The following SLC23A2 variants were observed in gnomAD, a reference collection of about 807,000 sequenced individuals.
SLC23A2 encodes the protein solute carrier family 23 member 2.
A neutral mutation model predicts 73.3 loss-of-function variants in SLC23A2; 36 were observed. The ratio of observed to expected loss-of-function variants is 0.49; its 90% CI spans 0.38 to 0.65. The LOEUF is 0.65. Ranked by LOEUF, SLC23A2 falls within the 30% of genes least tolerant of loss-of-function variation. The probability of loss-of-function intolerance (pLI) is 0.00; values close to 1 mark genes in which losing one functional copy is unlikely to be tolerated. For synonymous variants in SLC23A2, 343 were observed against 327.3 expected (o/e 1.05, Z -0.52); for missense variants, 507 against 841.6 (o/e 0.60, Z 4.92).
rs1358473011 is a variant in SLC23A2, at chr20:5,007,714, A to G, written c.-282+2468T>C. ...CTTCCCCCAGCCCCGGCAACCACTA[A>G]TCTTCACTCTCTTTCTATGGATTTG... On this transcript the variant is annotated intron_variant, in intron 1 of 16. Coordinates refer to the SLC23A2 transcript ENST00000379333. Among the ~76,000 whole-genome samples the G allele has an allele frequency of 3.3e-5, 5 of 151,900 alleles. No individual in the cohort carries two copies. The South Asian group carries it at 8.3e-4, about 25-fold the overall frequency.
intron 2 of SLC23A2, among the ~76,000 whole-genome samples, chr20:4,940,264 A>C (rs543084984): frequency 1.3e-5 from 2 of 152,156 alleles, no homozygotes; most frequent in South Asian, 4.2e-4. Context: ...GCAGTGAGCC[A>C]AGATCATGCC....
chr20:5,004,973 T>C (rs1221016313), upstream of SLC23A2, among the ~76,000 whole-genome samples: 1 of 149,914 alleles, frequency 6.7e-6, no homozygotes, highest in Non-Finnish European at 1.5e-5. Flanking sequence ...CACTCCAGCC[T>C]GGGCAACAAG....
chr20:5,009,435 A>G (rs984213736), intron 1 of SLC23A2, among the ~76,000 whole-genome samples: 3 of 152,128 alleles, frequency 2.0e-5, no homozygotes, highest in South Asian at 2.1e-4. Flanking sequence ...TGGTGCAAGT[A>G]TACTCCCTCC....
chr20:4,996,425 T>C (rs562379404), intron 1 of SLC23A2, among the ~76,000 whole-genome samples: 4 of 152,082 alleles, frequency 2.6e-5, no homozygotes, highest in South Asian at 4.2e-4. Context: ...CGGTGGCTCA[T>C]GCCTGTAATC....
At chr20:4,874,782 A>C in intron 9 of SLC23A2, 86 bp from the exon 10 acceptor site, 6 of 1,156,746 alleles carry the variant, frequency 5.2e-6, no homozygotes, top group African/African-American at 1.5e-5. Flanking sequence ...GGCAAAATTG[A>C]CATAGTGTTC....
At position 4,856,965 on chromosome 20, in the gene SLC23A2, G is replaced by A; in HGVS notation, c.*7C>T. 1 of 1,600,030 alleles carries A rather than the reference G, an allele frequency of 6.2e-7. No homozygotes were observed. Among genetic ancestry groups the A allele is most frequent in the Non-Finnish European group, 8.6e-7 (1 of 1,167,930 alleles). ...CACTGCGGCCAGGCCACAGGGCACAGCAAAGGCTATCCCGTGGCCTGGGAG... is the reference window on the plus strand; with the variant it reads ...CACTGCGGCCAGGCCACAGGGCACAACAAAGGCTATCCCGTGGCCTGGGAG... On this transcript the variant is annotated 3_prime_UTR_variant, in exon 17 of 17. Coordinates refer to ENST00000338244, the MANE Select transcript of SLC23A2 (RefSeq NM_005116.6). The surrounding 1 kb of genome is among the most constrained non-coding windows in gnomAD (Gnocchi z 4.6).
chr20:4,986,745 T>C (rs2087837436), intron 1 of SLC23A2, among the ~76,000 whole-genome samples: 1 of 145,458 alleles, frequency 6.9e-6, no homozygotes, highest in African/African-American at 2.5e-5. Context: ...GTCTGGAAAA[T>C]ATATTTTAGC....
At chr20:4,875,484 T>C (rs548118809) in intron 9 of SLC23A2, among the ~76,000 whole-genome samples, 26 of 152,304 alleles carry the variant, frequency 1.7e-4, no homozygotes, top group African/African-American at 5.5e-4. Context: ...TCTAGCTCTA[T>C]GGCTTGAACT....
intron 2 of SLC23A2, among the ~76,000 whole-genome samples, chr20:4,944,274 C>T (rs1189085790): frequency 1.3e-5 from 2 of 152,248 alleles, no homozygotes; most frequent in South Asian, 2.1e-4. Context: ...GAGTCTTGCT[C>T]CGTCGCCCAG....
intron 2 of SLC23A2, among the ~76,000 whole-genome samples, chr20:4,954,104 C>T (rs1417448500): frequency 2.0e-5 from 3 of 152,198 alleles, no homozygotes; most frequent in South Asian, 2.1e-4. Context: ...TCTGAACATT[C>T]TTTCACTGAA....
intron 6 of SLC23A2, among the ~76,000 whole-genome samples, chr20:4,896,366 C>G (rs762037659): frequency 3.4e-4 from 51 of 152,116 alleles, no homozygotes; most frequent in Middle Eastern, 3.2e-3. Flanking sequence ...ACCTGCTGGT[C>G]GGAGAGGAAG....
At chr20:4,897,173 CTCTT>C (rs1239723278) in intron 6 of SLC23A2, among the ~76,000 whole-genome samples, 2 of 152,220 alleles carry the variant, frequency 1.3e-5, no homozygotes, top group Non-Finnish European at 2.9e-5. Context: ...TGAGCCAGTA[CTCTT>C]TCTCTTTGCC....
chr20:4,911,696 A>G (rs1035724658), intron 4 of SLC23A2, among the ~76,000 whole-genome samples: 3 of 152,210 alleles, frequency 2.0e-5, no homozygotes, highest in African/African-American at 7.2e-5. Context: ...CTATCAAGTA[A>G]AACTCAAATG....
chr20:4,866,381 T>C (rs1284755016), intron 13 of SLC23A2, among the ~76,000 whole-genome samples: 3 of 152,228 alleles, frequency 2.0e-5, no homozygotes, highest in Non-Finnish European at 4.4e-5. Flanking sequence ...GGATTAGTTA[T>C]ATGCCTGCAA....
At chr20:4,930,865 T>A (rs984599149) in intron 3 of SLC23A2, among the ~76,000 whole-genome samples, 1 of 151,738 alleles carries the variant, frequency 6.6e-6, no homozygotes, top group Admixed American at 6.6e-5. Flanking sequence ...CATGCATCCA[T>A]AATACCAACT....
intron 2 of SLC23A2, among the ~76,000 whole-genome samples, chr20:4,966,599 C>T (rs754335240): frequency 6.6e-6 from 1 of 152,070 alleles, no homozygotes; most frequent in Non-Finnish European, 1.5e-5. Flanking sequence ...AATATATCAG[C>T]TTATAAAATA....
Position 4,857,160 on chromosome 20 carries a change from C to G in SLC23A2, c.1765G>C (p.Gly589Arg). The G allele has an allele frequency of 6.2e-7, 1 of 1,612,754 alleles. No homozygotes were observed. Among genetic ancestry groups the G allele is most frequent in the Non-Finnish European group, 8.5e-7 (1 of 1,178,980 alleles). Residue 589 changes from glycine (G) to arginine (R), a missense_variant, in exon 17 of 17, where the codon GGC becomes CGC. Gly to Arg is a moderately radical substitution (Grantham distance 125). Transcript: ENST00000338244. The surrounding 1 kb of genome is among the most constrained non-coding windows in gnomAD (Gnocchi z 4.0). The part of the protein sequence containing the change: ...RGIRKWKKGV[G>R]KGNKSLDGME... ...CCGTCGAGTGATTTGTTCCCTTTGC[C>G]CACACCCTTCTTCCATTTCCGGATT...
At chr20:4,999,557 T>C (rs781207259) in intron 1 of SLC23A2, among the ~76,000 whole-genome samples, 1 of 50,582 alleles carries the variant, frequency 2.0e-5, no homozygotes, top group Non-Finnish European at 3.5e-5. Context: ...TACTCAGCTA[T>C]TTTTTTTTTT....
At chr20:4,975,065 T>C (rs892833029) in intron 1 of SLC23A2, among the ~76,000 whole-genome samples, 2 of 152,150 alleles carry the variant, frequency 1.3e-5, no homozygotes, top group Non-Finnish European at 2.9e-5. Flanking sequence ...GGATTACAGG[T>C]GTGAGCCACC....
Sources: gnomAD v4.1 joint callset for allele counts (sites outside exome capture counted in the v4.1 genomes callset) on GRCh38, gnomAD v4.1.1 for gene constraint, Gnocchi (gnomAD v3.1) non-coding constraint, MANE v1.5 for transcripts, NCBI Gene and HGNC (gene_info 2026-07-23, HGNC 2026-07-21) for gene names.